Variants in DHRSX observed in about 807,000 individuals in gnomAD.
The protein encoded by DHRSX is dehydrogenase/reductase X-linked, also known as polyprenol dehydrogenase.
DHRSX carries 31 observed loss-of-function variants against 34.0 expected under a neutral mutation model. The ratio of observed to expected loss-of-function variants is 0.91; its 90% CI spans 0.69 to 1.23. The LOEUF (loss-of-function observed/expected upper bound fraction) is 1.23. DHRSX is among the 50% of genes most tolerant of loss of function. The pLI, the probability that DHRSX is intolerant of heterozygous loss-of-function variation, is 0.00. For missense variants in DHRSX, 414 were observed against 428.1 expected, an observed-to-expected ratio of 0.97 and a Z score of 0.29; for synonymous variants, 201 against 183.8, an observed-to-expected ratio of 1.09 and a Z score of -0.76.
chrX:2,463,995 CAT>C (rs1276117705), intron 1 of DHRSX, among the ~76,000 whole-genome samples: 2 of 152,072 alleles, frequency 1.3e-5, no homozygotes, highest in Non-Finnish European at 2.9e-5. Flanking sequence ...ACACTGAAGA[CAT>C]TCGCTAAGAA....
At chrX:2,266,049 G>A (rs1328726455) in intron 5 of DHRSX, among the ~76,000 whole-genome samples, 13 of 129,710 alleles carry the variant, frequency 1.0e-4, no homozygotes, top group Admixed American at 3.0e-4. Flanking sequence ...TACAGCAGAC[G>A]CAGGGAGCAC....
chrX:2,471,691 C>G (rs993300242), intron 1 of DHRSX, among the ~76,000 whole-genome samples: 1 of 152,158 alleles, frequency 6.6e-6, no homozygotes, highest in Non-Finnish European at 1.5e-5. Context: ...ATTGCAATTG[C>G]AATCACTCCA....
chrX:2,466,347 AG>A (rs1471390333), intron 1 of DHRSX, among the ~76,000 whole-genome samples: 10 of 152,196 alleles, frequency 6.6e-5, no homozygotes, highest in Non-Finnish European at 1.3e-4. Flanking sequence ...CTGAGGCAGG[AG>A]AATCACTTGA....
intron 1 of DHRSX, among the ~76,000 whole-genome samples, chrX:2,492,720 G>A (rs940436394): frequency 6.6e-6 from 1 of 152,002 alleles, no homozygotes; most frequent in Non-Finnish European, 1.5e-5. Flanking sequence ...GCCCAGGGAC[G>A]CCAGGAGCCC....
rs771505790 is a variant in DHRSX, at chrX:2,258,626, T to G, written c.596+8114A>C. ...ATCTGGGACCTCCAGCCTCCAGGACTGTGGGAGGCTCAATGTCTGCTGTTT... is the reference window on the plus strand; with the variant it reads ...ATCTGGGACCTCCAGCCTCCAGGACGGTGGGAGGCTCAATGTCTGCTGTTT... On this transcript the variant is annotated intron_variant, in intron 5 of 6. Coordinates refer to ENST00000334651, the MANE Select transcript of DHRSX (RefSeq NM_145177.3). Among the ~76,000 whole-genome samples, 10 of 152,304 alleles carry G rather than the reference T, an allele frequency of 6.6e-5. No individual in the cohort carries two copies. The East Asian group carries it at 1.9e-3, about 29-fold the overall frequency.
intron 3 of DHRSX, among the ~76,000 whole-genome samples, chrX:2,345,517 T>A (rs2042695232): frequency 1.3e-5 from 2 of 151,636 alleles, no homozygotes; most frequent in Admixed American, 6.6e-5. Context: ...CGTGGTGGTG[T>A]GTGCCTATAA....
intron 3 of DHRSX, among the ~76,000 whole-genome samples, chrX:2,299,366 G>A (rs1415288216): frequency 6.6e-6 from 1 of 152,130 alleles, no homozygotes; most frequent in East Asian, 1.9e-4. Context: ...TCACGCACCT[G>A]CTGTGTCTGA....
intron 3 of DHRSX, among the ~76,000 whole-genome samples, chrX:2,348,712 G>C (rs1347239484): frequency 8.1e-5 from 12 of 148,026 alleles, no homozygotes; most frequent in Non-Finnish European, 7.5e-5. Flanking sequence ...TTTTTATTTT[G>C]TTTTGTTGAG....
rs569811067 is a variant in DHRSX, at chrX:2,290,925, G to A, written c.388+577C>T. 4.6e-5 allele frequency among the ~76,000 whole-genome samples: 7 copies of A among 152,238 alleles called. No homozygotes were observed. The South Asian group carries it at 6.2e-4, about 14-fold the overall frequency. On this transcript the variant is annotated intron_variant, in intron 4 of 6. Transcript: ENST00000334651. ...ATTAAGTGTTGCAATGATCTTAAGC[G>A]CTCAGCGTGGCCCAAAGAAGGGCTC...
At chrX:2,344,323 G>A (rs970544542) in intron 3 of DHRSX, among the ~76,000 whole-genome samples, 2 of 152,098 alleles carry the variant, frequency 1.3e-5, no homozygotes, top group African/African-American at 4.8e-5. Context: ...TTAGAATGGC[G>A]ATCACTAAAA....
chrX:2,271,999 C>T (rs1168400503), intron 4 of DHRSX, among the ~76,000 whole-genome samples: 1 of 152,080 alleles, frequency 6.6e-6, no homozygotes, highest in Admixed American at 6.6e-5. Flanking sequence ...CGAGATCACA[C>T]CACTGCACTC....
At chrX:2,475,622 G>A (rs1217873844) in intron 1 of DHRSX, among the ~76,000 whole-genome samples, 10 of 151,240 alleles carry the variant, frequency 6.6e-5, no homozygotes, top group Admixed American at 5.3e-4. Flanking sequence ...CACTGAAGAC[G>A]TTCCCTAAGC....
chrX:2,449,562 C>T (rs2044188816), intron 1 of DHRSX, among the ~76,000 whole-genome samples: 1 of 152,160 alleles, frequency 6.6e-6, no homozygotes, highest in South Asian at 2.1e-4. Flanking sequence ...TGGCATGATG[C>T]TAGCTCACTG....
intron 1 of DHRSX, among the ~76,000 whole-genome samples, chrX:2,438,276 G>A (rs1308058802): frequency 6.7e-6 from 1 of 149,528 alleles, no homozygotes. Flanking sequence ...AGCAGCTGGA[G>A]CTTCATATAG....
At chrX:2,270,151 T>C (rs2041530548) in intron 4 of DHRSX, among the ~76,000 whole-genome samples, 1 of 152,176 alleles carries the variant, frequency 6.6e-6, no homozygotes, top group Admixed American at 6.5e-5. Flanking sequence ...CCTCGGTACA[T>C]GGACCCATTT....
intron 3 of DHRSX, among the ~76,000 whole-genome samples, chrX:2,303,747 G>A (rs1222928092): frequency 3.4e-5 from 5 of 148,060 alleles, no homozygotes; most frequent in Non-Finnish European, 4.5e-5. Flanking sequence ...TGGATGGATG[G>A]ATGGATTGGA....
intron 3 of DHRSX, among the ~76,000 whole-genome samples, chrX:2,322,319 C>T (rs1168803285): frequency 1.3e-5 from 2 of 152,122 alleles, no homozygotes; most frequent in Middle Eastern, 3.4e-3. Context: ...GACGCCAAGG[C>T]GGGTAGGTCA....
intron 1 of DHRSX, among the ~76,000 whole-genome samples, chrX:2,471,756 G>A (rs1268644420): frequency 6.6e-6 from 1 of 152,100 alleles, no homozygotes; most frequent in Non-Finnish European, 1.5e-5. Context: ...GTGTTTTCAT[G>A]CACATCGCTT....
At chrX:2,429,595 G>A (rs944947881) in intron 1 of DHRSX, among the ~76,000 whole-genome samples, 1 of 149,804 alleles carries the variant, frequency 6.7e-6, no homozygotes, top group Non-Finnish European at 1.5e-5. Flanking sequence ...CTACAGGTGT[G>A]AGCCACCACA....
Sources: gnomAD v4.1 joint callset for allele counts (sites outside exome capture counted in the v4.1 genomes callset) on GRCh38, gnomAD v4.1.1 for gene constraint, MANE v1.5 for transcripts, NCBI Gene and HGNC (gene_info 2026-07-23, HGNC 2026-07-21) for gene names.